Variants in FAT3 observed in about 807,000 individuals in gnomAD.
FAT3 encodes the protein FAT atypical cadherin 3.
A neutral mutation model predicts 310.2 loss-of-function variants in FAT3; 95 were observed. That is an observed-to-expected ratio of 0.31 (90% CI 0.26 to 0.36). FAT3 has a LOEUF of 0.36. FAT3 is among the 10% of genes least tolerant of loss of function. The pLI is 1.00. For missense variants in FAT3, 5,408 were observed against 5,715.6 expected (o/e 0.95, Z 1.74); for synonymous variants, 2,314 against 2,192.9 (o/e 1.06, Z -1.54).
intron 4 of FAT3, among the ~76,000 whole-genome samples, chr11:92,735,149 G>C (rs1191401262): frequency 6.9e-6 from 1 of 145,262 alleles, no homozygotes; most frequent in Non-Finnish European, 1.5e-5. Context: ...GAAACCACCT[G>C]TGCTGAATGA....
intron 4 of FAT3, among the ~76,000 whole-genome samples, chr11:92,707,119 T>G (rs1944381396): frequency 6.6e-6 from 1 of 152,238 alleles, no homozygotes; most frequent in Admixed American, 6.5e-5. Flanking sequence ...AATAGCCACC[T>G]CTAATTTACC....
rs543569949 is a variant in FAT3 at position 92,442,208 on chromosome 11, G to T, written c.3293-82426G>T. ...GGCTCACTACAAGCTCTGCCTTCTG[G>T]GTTCACACCATTTCCCTGCCTCAGC... On this transcript the variant is annotated intron_variant, in intron 2 of 27. Coordinates refer to ENST00000525166, the MANE Select transcript of FAT3 (RefSeq NM_001367949.2). 1.2e-3 allele frequency among the ~76,000 whole-genome samples: 173 copies of T among 141,078 alleles called. 3 individuals are homozygous for T. The highest frequency in any genetic ancestry group is 4.4e-3 in the African/African-American group (167 of 37,946). 92.6% of individuals were successfully genotyped at this position (141,078 alleles called of 152,430 possible).
intron 13 of FAT3, among the ~76,000 whole-genome samples, chr11:92,822,797 GAC>G (rs1271215794): frequency 6.6e-6 from 1 of 152,140 alleles, no homozygotes; most frequent in African/African-American, 2.4e-5. Context: ...TCTGAAAATA[GAC>G]AGTTTCAGCT....
At chr11:92,484,215 A>G (rs1342673694) in intron 2 of FAT3, among the ~76,000 whole-genome samples, 3 of 152,136 alleles carry the variant, frequency 2.0e-5, no homozygotes, top group African/African-American at 2.4e-5. Context: ...AATTATTCCT[A>G]TTTCACAAAT....
chr11:92,444,670 G>GA (rs376452922), intron 2 of FAT3, among the ~76,000 whole-genome samples: 11,286 of 131,750 alleles, frequency 0.086, 1,140 homozygotes, highest in African/African-American at 0.24. Context: ...GGGGGGGGGG[G>GA]AAAACATACA....
At chr11:92,604,378 G>A (rs774896708) in intron 3 of FAT3, among the ~76,000 whole-genome samples, 4 of 151,952 alleles carry the variant, frequency 2.6e-5, no homozygotes, top group South Asian at 2.1e-4. Context: ...TTCCTTCTAC[G>A]TCTACAGTAG....
chr11:92,460,312 A>G (rs532058388), intron 2 of FAT3, among the ~76,000 whole-genome samples: 1 of 152,296 alleles, frequency 6.6e-6, no homozygotes, highest in Non-Finnish European at 1.5e-5. Flanking sequence ...ATATTCTTCA[A>G]AGAGAGGTGC....
At chr11:92,634,660 T>G (rs1057481768) in intron 3 of FAT3, among the ~76,000 whole-genome samples, 1 of 152,188 alleles carries the variant, frequency 6.6e-6, no homozygotes, top group African/African-American at 2.4e-5. Flanking sequence ...TTATGCACAC[T>G]TTGAGGACCT....
intron 3 of FAT3, among the ~76,000 whole-genome samples, chr11:92,683,622 C>A (rs1384036354): frequency 6.6e-6 from 1 of 152,142 alleles, no homozygotes; most frequent in Admixed American, 6.5e-5. Context: ...TATTCAATTC[C>A]CATTTCCCCT....
intron 3 of FAT3, among the ~76,000 whole-genome samples, chr11:92,695,744 ACT>A (rs1311747751): frequency 6.6e-6 from 1 of 152,122 alleles, no homozygotes; most frequent in African/African-American, 2.4e-5. Context: ...CCATGAAGTA[ACT>A]CTGTCAATTT....
In FAT3 at chr11:92,710,639, C is replaced by CT. The variant is rs1330396191; in HGVS notation, c.3669+13195dup. On this transcript the variant is annotated intron_variant, in intron 4 of 27. Coordinates refer to ENST00000525166, the MANE Select transcript of FAT3 (RefSeq NM_001367949.2). ...TACAACAGAAGGTGTTGTTCTGTCT[C>CT]TATCAGCAGTAGCCAGGGCATGCTT... 7.2e-5 allele frequency among the ~76,000 whole-genome samples: 11 copies of CT among 152,296 alleles called. No homozygotes were observed. The East Asian group carries it at 1.7e-3, about 24-fold the overall frequency.
intron 3 of FAT3, among the ~76,000 whole-genome samples, chr11:92,546,756 G>A (rs1409849852): frequency 6.6e-6 from 1 of 152,162 alleles, no homozygotes; most frequent in Non-Finnish European, 1.5e-5. Flanking sequence ...CTACCAGTGA[G>A]AACAATCAGA....
chr11:92,324,370 C>G (rs912920788), intron 1 of FAT3, among the ~76,000 whole-genome samples: 4 of 152,260 alleles, frequency 2.6e-5, no homozygotes, highest in African/African-American at 9.6e-5. Context: ...GTGACTCTTC[C>G]TTTCACTTGA....
intron 3 of FAT3, among the ~76,000 whole-genome samples, chr11:92,659,627 G>T (rs1203719955): frequency 6.6e-6 from 1 of 152,150 alleles, no homozygotes; most frequent in African/African-American, 2.4e-5. Context: ...AAAAACATTG[G>T]TTTCTTGTGA....
intron 1 of FAT3, among the ~76,000 whole-genome samples, chr11:92,330,236 G>A (rs1737053765): frequency 2.6e-5 from 4 of 152,178 alleles, no homozygotes; most frequent in Admixed American, 2.6e-4. Context: ...AAAACTCCAT[G>A]TATGTTGAAA....
chr11:92,579,922 TA>T (rs1938696269), intron 3 of FAT3, among the ~76,000 whole-genome samples: 2 of 152,084 alleles, frequency 1.3e-5, no homozygotes, highest in East Asian at 3.9e-4. Flanking sequence ...TCTGAATATT[TA>T]AAAATGATTA....
chr11:92,264,730 GA>G (rs1336644613), intron 1 of FAT3, among the ~76,000 whole-genome samples: 1 of 152,130 alleles, frequency 6.6e-6, no homozygotes, highest in Admixed American at 6.5e-5. Context: ...TGATGCCATA[GA>G]TTCTGTCTTT....
At chr11:92,878,634 T>TAAAAAAAAAAAAAA (rs145900689) in intron 22 of FAT3, among the ~76,000 whole-genome samples, 4 of 21,208 alleles carry the variant, frequency 1.9e-4, no homozygotes, top group African/African-American at 4.2e-4. Context: ...TGTTATGTGT[T>TAAAAAAAAAAAAAA]AAAAAAAAAA....
At chr11:92,606,489 T>C (rs1395173881) in intron 3 of FAT3, among the ~76,000 whole-genome samples, 3 of 152,200 alleles carry the variant, frequency 2.0e-5, no homozygotes, top group African/African-American at 7.2e-5. Flanking sequence ...GCTTTGGGGC[T>C]GCTTCTGCTC....
Sources: gnomAD v4.1 joint callset for allele counts (sites outside exome capture counted in the v4.1 genomes callset) on GRCh38, gnomAD v4.1.1 for gene constraint, MANE v1.5 for transcripts, NCBI Gene and HGNC (gene_info 2026-07-23, HGNC 2026-07-21) for gene names.